ADSS2: variants seen among roughly 807,000 people sequenced by gnomAD.
ADSS2 encodes the protein adenylosuccinate synthase 2.
In ADSS2, 30 loss-of-function variants were observed where a neutral mutation model predicts 60.0. The observed-to-expected ratio is 0.50, with a 90% CI of 0.37 to 0.68. ADSS2 has a LOEUF of 0.68. ADSS2 is among the 30% of genes least tolerant of loss of function. The probability of loss-of-function intolerance (pLI) is 0.00; values close to 1 mark genes in which losing one functional copy is unlikely to be tolerated. For synonymous variants in ADSS2, 187 were observed against 193.1 expected (o/e 0.97, Z 0.26); for missense variants, 373 against 554.8 (o/e 0.67, Z 3.29).
At chr1:244,420,573 G>A (rs1194742455) in intron 7 of ADSS2, among the ~76,000 whole-genome samples, 1 of 151,956 alleles carries the variant, frequency 6.6e-6, no homozygotes. Context: ...AACCCTCCCA[G>A]CAAAGTAGTC....
intron 4 of ADSS2, among the ~76,000 whole-genome samples, chr1:244,430,570 CA>C (rs1246807171): frequency 6.6e-6 from 1 of 152,118 alleles, no homozygotes; most frequent in Non-Finnish European, 1.5e-5. Context: ...GACAACATAA[CA>C]AAAAGCCATT....
chr1:244,437,032 T>G, intron 2 of ADSS2, 139 bp from the exon 3 acceptor site: 3 of 653,684 alleles, frequency 4.6e-6, no homozygotes, highest in Non-Finnish European at 7.9e-6. Context: ...AAATACATAA[T>G]GGAACATAAT....
chr1:244,432,710 C>T, intron 3 of ADSS2, 115 bp from the exon 4 acceptor site: 1 of 611,414 alleles, frequency 1.6e-6, no homozygotes. Context: ...GTCACCCAGG[C>T]TGGAGTGCAG....
At chr1:244,441,825 A>G (rs1558280093) in intron 1 of ADSS2, among the ~76,000 whole-genome samples, 1 of 152,014 alleles carries the variant, frequency 6.6e-6, no homozygotes, top group East Asian at 1.9e-4. Context: ...GCGTGGTGGC[A>G]CGTGCCTGTA....
At chr1:244,443,028 G>T (rs1013288280) in intron 1 of ADSS2, among the ~76,000 whole-genome samples, 1 of 152,074 alleles carries the variant, frequency 6.6e-6, no homozygotes, top group African/African-American at 2.4e-5. Flanking sequence ...CTCCTACATG[G>T]GCCCATGGGC....
intron 3 of ADSS2, among the ~76,000 whole-genome samples, chr1:244,436,572 A>G (rs1481082558): frequency 6.6e-6 from 1 of 152,252 alleles, no homozygotes; most frequent in Non-Finnish European, 1.5e-5. Flanking sequence ...TTGTAATTCT[A>G]GCTATCTTAA....
Position 244,451,640 on chromosome 1 carries a change from AGC to A in ADSS2, c.176_177del (p.Arg59LeufsTer6). The A allele has an allele frequency of 6.2e-7, 1 of 1,609,406 alleles. No homozygotes were observed. The highest frequency in any genetic ancestry group is 8.5e-7 in the Non-Finnish European group (1 of 1,177,692). Reference protein sequence around the residue: ...LLAQDADIVCRCQGGNNAGHT... With the variant: ...LLAQDADIVCXCQGGNNAGHT... Reference sequence around the variant, plus strand: ...GAGAGGCCCCGTCGCCTCACCTGGCAGCGGCACACGATGTCGGCGTCCTGCGC... The same window carrying A: ...GAGAGGCCCCGTCGCCTCACCTGGCAGGCACACGATGTCGGCGTCCTGCGC... On this transcript the variant is annotated frameshift_variant, in exon 1 of 13. Coordinates refer to ENST00000366535, the MANE Select transcript of ADSS2 (RefSeq NM_001126.5). LOFTEE classifies it high-confidence loss of function. The surrounding 1 kb of genome is among the most constrained non-coding windows in gnomAD (Gnocchi z 6.6).
At chr1:244,432,451 AAAAAT>A (rs1004985421) in intron 4 of ADSS2, 89 bp downstream of exon 4, 14 of 952,148 alleles carry the variant, frequency 1.5e-5, no homozygotes, top group African/African-American at 6.9e-5. Flanking sequence ...TACGCTAAAT[AAAAAT>A]AAAAGACAAA....
At chr1:244,439,258 CTTTG>C (rs772315669) in intron 1 of ADSS2, among the ~76,000 whole-genome samples, 4 of 152,184 alleles carry the variant, frequency 2.6e-5, no homozygotes, top group Non-Finnish European at 5.9e-5. Context: ...TAGTACTCCA[CTTTG>C]TTTATGTGGA....
chr1:244,450,907 C>T (rs1285066820), intron 1 of ADSS2, among the ~76,000 whole-genome samples: 3 of 152,158 alleles, frequency 2.0e-5, no homozygotes, highest in African/African-American at 7.2e-5. Flanking sequence ...ACTTCCCTCA[C>T]TTTTTTTGAA....
At chr1:244,441,709 C>T (rs2148012233) in intron 1 of ADSS2, among the ~76,000 whole-genome samples, 1 of 152,200 alleles carries the variant, frequency 6.6e-6, no homozygotes, top group African/African-American at 2.4e-5. Context: ...GTAATCCCAG[C>T]ACTTTGGGAG....
intron 6 of ADSS2, 93 bp downstream of exon 6, chr1:244,423,860 C>G: frequency 1.1e-6 from 1 of 930,724 alleles, no homozygotes. Flanking sequence ...CACTATTTAA[C>G]TAGAATACCG....
intron 4 of ADSS2, 94 bp from the exon 5 acceptor site, chr1:244,424,481 C>T: frequency 5.0e-6 from 5 of 995,200 alleles, no homozygotes; most frequent in Non-Finnish European, 6.2e-6. Context: ...TAAATCCCTT[C>T]AGCCTCATTT....
chr1:244,421,070 G>A (rs1664666338), intron 7 of ADSS2, among the ~76,000 whole-genome samples: 1 of 151,760 alleles, frequency 6.6e-6, no homozygotes, highest in African/African-American at 2.4e-5. Flanking sequence ...GAGTTACACT[G>A]CCAAGTATGC....
At chr1:244,419,175 T>C (rs1266889720) in intron 8 of ADSS2, 3 of 299,434 alleles carry the variant, frequency 1.0e-5, no homozygotes, top group East Asian at 5.6e-5. Flanking sequence ...CAGCTCTTTA[T>C]AGCAGCTACT....
intron 4 of ADSS2, among the ~76,000 whole-genome samples, chr1:244,431,848 G>C (rs1477720554): frequency 1.3e-5 from 2 of 152,184 alleles, no homozygotes; most frequent in Non-Finnish European, 2.9e-5. Flanking sequence ...TTCTGTGCTT[G>C]GCTGAGAAAT....
At chr1:244,432,524 A>C (rs1664969504) in intron 4 of ADSS2, 21 bp downstream of exon 4, 1 of 1,492,620 alleles carries the variant, frequency 6.7e-7, no homozygotes, top group Admixed American at 2.2e-5. Flanking sequence ...GTTACAAATA[A>C]ATGCAATATA....
At chr1:244,426,950 T>C (rs1664820317) in intron 4 of ADSS2, among the ~76,000 whole-genome samples, 1 of 152,206 alleles carries the variant, frequency 6.6e-6, no homozygotes, top group Non-Finnish European at 1.5e-5. Context: ...TTTTGGTTTT[T>C]TCTACTGCTG....
At chr1:244,428,287 AAAT>A (rs2148000745) in intron 4 of ADSS2, among the ~76,000 whole-genome samples, 1 of 152,338 alleles carries the variant, frequency 6.6e-6, no homozygotes, top group South Asian at 2.1e-4. Context: ...ATTAAATTAT[AAAT>A]AATAGAGAGA....
Sources: gnomAD v4.1 joint callset for allele counts (sites outside exome capture counted in the v4.1 genomes callset) on GRCh38, gnomAD v4.1.1 for gene constraint, Gnocchi (gnomAD v3.1) non-coding constraint, MANE v1.5 for transcripts, NCBI Gene and HGNC (gene_info 2026-07-23, HGNC 2026-07-21) for gene names.